Variants in EPHA7 observed in about 807,000 individuals in gnomAD.
EPHA7 encodes EPH receptor A7, also known as ephrin type-A receptor 7.
Under a neutral mutation model 112.6 loss-of-function variants are expected in EPHA7, and 25 were observed. The observed-to-expected ratio is 0.22, with a 90% CI of 0.16 to 0.31. The LOEUF is 0.31. Among genes scored for constraint, EPHA7 ranks in the 10% least tolerant of loss-of-function variants. The pLI is 1.00. For missense variants in EPHA7, 962 were observed against 1,212.6 expected (o/e 0.79, Z 3.07); for synonymous variants, 437 against 406.5 (o/e 1.07, Z -0.90).
At chr6:93,277,303 A>T (rs764494929) in intron 5 of EPHA7, among the ~76,000 whole-genome samples, 1 of 152,048 alleles carries the variant, frequency 6.6e-6, no homozygotes, top group Non-Finnish European at 1.5e-5. Context: ...TTGCTTAAAT[A>T]ATGAAATACT....
intron 14 of EPHA7, among the ~76,000 whole-genome samples, chr6:93,249,362 C>A (rs921204700): frequency 6.6e-5 from 10 of 151,850 alleles, no homozygotes; most frequent in African/African-American, 2.4e-4. Flanking sequence ...TACTTGGATT[C>A]AAAAATGTTA....
intron 5 of EPHA7, among the ~76,000 whole-genome samples, chr6:93,291,932 T>A (rs997699651): frequency 6.6e-6 from 1 of 152,078 alleles, no homozygotes; most frequent in African/African-American, 2.4e-5. Context: ...CATCAAAATA[T>A]TCAAGGTATG....
At chr6:93,339,670 T>C (rs1438094805) in intron 5 of EPHA7, among the ~76,000 whole-genome samples, 1 of 151,778 alleles carries the variant, frequency 6.6e-6, no homozygotes, top group Non-Finnish European at 1.5e-5. Context: ...CTAGATGCAT[T>C]ATTACATAGA....
chr6:93,272,270 G>T (rs1732726248), intron 6 of EPHA7, 28 bp downstream of exon 6: 2 of 1,609,890 alleles, frequency 1.2e-6, no homozygotes, highest in African/African-American at 2.7e-5. Context: ...ACAGCACATT[G>T]TACATTTCAG....
At chr6:93,370,873 C>T (rs1247836399) in intron 3 of EPHA7, among the ~76,000 whole-genome samples, 1 of 151,352 alleles carries the variant, frequency 6.6e-6, no homozygotes, top group Non-Finnish European at 1.5e-5. Flanking sequence ...CGGCAAGGCG[C>T]GGTGGCTCAC....
At chr6:93,288,754 G>T (rs1046129569) in intron 5 of EPHA7, among the ~76,000 whole-genome samples, 2 of 152,114 alleles carry the variant, frequency 1.3e-5, no homozygotes, top group Non-Finnish European at 2.9e-5. Flanking sequence ...ACCAAGTTGA[G>T]ATATCATTCT....
At chr6:93,261,734 C>G (rs1298822130) in intron 9 of EPHA7, among the ~76,000 whole-genome samples, 2 of 151,418 alleles carry the variant, frequency 1.3e-5, no homozygotes, top group African/African-American at 4.8e-5. Context: ...TGCTAGTTTT[C>G]TCTAATGATG....
intron 3 of EPHA7, among the ~76,000 whole-genome samples, chr6:93,385,675 A>G (rs556754315): frequency 6.6e-6 from 1 of 152,160 alleles, no homozygotes; most frequent in African/African-American, 2.4e-5. Context: ...AATTATATAT[A>G]AATATATTAG....
intron 3 of EPHA7, among the ~76,000 whole-genome samples, chr6:93,400,041 A>G (rs1425030695): frequency 6.6e-6 from 1 of 152,066 alleles, no homozygotes; most frequent in African/African-American, 2.4e-5. Context: ...AGTGTATCAT[A>G]TCTGAGTGGG....
chr6:93,383,469 T>C (rs775114973), intron 3 of EPHA7, among the ~76,000 whole-genome samples: 2 of 152,058 alleles, frequency 1.3e-5, no homozygotes, highest in African/African-American at 4.8e-5. Flanking sequence ...TCACAGCTGG[T>C]AAGTGGTAGA....
Position 93,254,713 on chromosome 6 carries a change from A to G in EPHA7, c.2466T>C (p.Tyr822=), listed in dbSNP as rs199732767. 1 of 1,613,804 alleles carries G rather than the reference A, an allele frequency of 6.2e-7. No individual in the cohort carries two copies. The change falls in exon 14 of 17, where the codon TAT becomes TAC. Residue 822 remains tyrosine (Y), a synonymous_variant. Transcript: ENST00000369303. The part of the protein sequence containing the change: ...KFTSASDVWS[Y]GIVMWEVMSY... ...ACATAACTTCCCACATGACTATTCCATAGCTCCATACATCACTGGCTGATG... is the reference window on the plus strand; with the variant it reads ...ACATAACTTCCCACATGACTATTCCGTAGCTCCATACATCACTGGCTGATG...
chr6:93,330,612 A>C (rs574831119), intron 5 of EPHA7, among the ~76,000 whole-genome samples: 2 of 151,316 alleles, frequency 1.3e-5, no homozygotes, highest in Non-Finnish European at 3.0e-5. Context: ...AAATAACCAG[A>C]TTTCTTTCTT....
chr6:93,396,214 A>G (rs921379192), intron 3 of EPHA7, among the ~76,000 whole-genome samples: 1 of 151,912 alleles, frequency 6.6e-6, no homozygotes, highest in African/African-American at 2.4e-5. Flanking sequence ...TGAAAAATCA[A>G]AATCTCATGC....
chr6:93,296,427 TATATAAA>T, intron 5 of EPHA7, among the ~76,000 whole-genome samples: 2 of 138,886 alleles, frequency 1.4e-5, no homozygotes, highest in South Asian at 4.5e-4. Context: ...ATAGCATATA[TATATAAA>T]ATATATAAAT....
At chr6:93,305,733 C>T (rs995502558) in intron 5 of EPHA7, among the ~76,000 whole-genome samples, 1 of 151,806 alleles carries the variant, frequency 6.6e-6, no homozygotes, top group African/African-American at 2.4e-5. Flanking sequence ...TCATTACCTA[C>T]GGGAATAGAT....
At chr6:93,248,606 A>T (rs767962230) in intron 14 of EPHA7, among the ~76,000 whole-genome samples, 30 of 152,216 alleles carry the variant, frequency 2.0e-4, no homozygotes, top group Non-Finnish European at 3.2e-4. Context: ...CTAACGGCAC[A>T]TCCAGTCCCA....
rs756054614 is a variant in EPHA7 at position 93,245,451 on chromosome 6, G to A, written c.2729C>T (p.Pro910Leu). The A allele has an allele frequency of 5.9e-5, 95 of 1,606,024 alleles. No homozygotes were observed. Among genetic ancestry groups the A allele is most frequent in the Non-Finnish European group, 7.7e-5 (91 of 1,177,884 alleles). Reference protein sequence around the residue: ...LKTPLGTCSRPISPLLDQNTP... With the variant: ...LKTPLGTCSRLISPLLDQNTP... ...GTTTTGATCCAGAAGAGGGCTTATT[G>A]GCCTAGATAAAAATGAAACAGAAAA... is the stretch of plus-strand genomic sequence containing the variant. Residue 910 changes from proline to leucine, a missense_variant and splice_region_variant, in exon 16 of 17, where the codon CCA becomes CTA. Pro to Leu is a moderately conservative substitution (Grantham distance 98, BLOSUM62 -3). This residue lies in a region of EPHA7 where 746 missense variants were observed against 889.2 expected (regional missense o/e 0.84). Transcript: ENST00000369303.
At chr6:93,355,662 G>A (rs1052131018) in intron 5 of EPHA7, among the ~76,000 whole-genome samples, 1 of 152,182 alleles carries the variant, frequency 6.6e-6, no homozygotes, top group Non-Finnish European at 1.5e-5. Context: ...TAATTTCTGA[G>A]ATTTCCTTCA....
intron 3 of EPHA7, among the ~76,000 whole-genome samples, chr6:93,385,149 C>A (rs2127975208): frequency 6.6e-6 from 1 of 152,208 alleles, no homozygotes; most frequent in African/African-American, 2.4e-5. Context: ...AGAACTCATG[C>A]TACCCATTTG....
Sources: allele counts gnomAD v4.1 joint callset (sites outside exome capture counted in the v4.1 genomes callset), GRCh38; gene constraint gnomAD v4.1.1; regional missense constraint gnomAD v4.1.1; transcripts MANE v1.5; gene names NCBI Gene and HGNC (gene_info 2026-07-23, HGNC 2026-07-21).